SGCZ: variants seen among roughly 807,000 people sequenced by gnomAD.
The protein encoded by SGCZ is sarcoglycan zeta.
A neutral mutation model predicts 41.3 loss-of-function variants in SGCZ; 40 were observed. The ratio of observed to expected loss-of-function variants is 0.97; its 90% CI spans 0.75 to 1.26. The LOEUF is 1.26. Among genes scored for constraint, SGCZ ranks in the 50% most tolerant of loss-of-function variants. The probability of loss-of-function intolerance (pLI) is 0.00; values close to 1 mark genes in which losing one functional copy is unlikely to be tolerated. For missense variants in SGCZ, 552 were observed against 369.8 expected, an observed-to-expected ratio of 1.49 and a Z score of -4.04; for synonymous variants, 206 against 137.5, an observed-to-expected ratio of 1.50 and a Z score of -3.49.
chr8:14,916,266 A>C (rs897354196), intron 1 of SGCZ, among the ~76,000 whole-genome samples: 3 of 152,240 alleles, frequency 2.0e-5, no homozygotes, highest in African/African-American at 7.2e-5. Context: ...GTGTAACTCA[A>C]ACATAGCAGC....
intron 2 of SGCZ, among the ~76,000 whole-genome samples, chr8:14,486,038 G>A (rs73190203): frequency 0.018 from 2,683 of 152,030 alleles, 44 homozygotes; most frequent in East Asian, 0.083. Flanking sequence ...AGACGGGGTA[G>A]AACAATTTTT....
At chr8:14,998,117 A>G (rs891041139) in intron 1 of SGCZ, among the ~76,000 whole-genome samples, 1 of 152,204 alleles carries the variant, frequency 6.6e-6, no homozygotes, top group Non-Finnish European at 1.5e-5. Context: ...TTTCAAATGT[A>G]TAATAGAAAA....
At chr8:14,351,755 T>A (rs1393035364) in intron 2 of SGCZ, among the ~76,000 whole-genome samples, 2 of 152,068 alleles carry the variant, frequency 1.3e-5, no homozygotes, top group African/African-American at 4.8e-5. Flanking sequence ...TGATTTTGAA[T>A]TCTGCTGACT....
chr8:14,643,943 G>A (rs1014546656), intron 1 of SGCZ, among the ~76,000 whole-genome samples: 1 of 151,010 alleles, frequency 6.6e-6, no homozygotes, highest in Non-Finnish European at 1.5e-5. Context: ...TTATAAGTCA[G>A]TGTGAATGAA....
intron 2 of SGCZ, among the ~76,000 whole-genome samples, chr8:14,337,459 T>C (rs1242877281): frequency 8.5e-5 from 13 of 152,128 alleles, no homozygotes; most frequent in Admixed American, 2.6e-4. Flanking sequence ...TTGAGTACTC[T>C]CCTGGGATAA....
intron 1 of SGCZ, among the ~76,000 whole-genome samples, chr8:14,559,799 T>C (rs987266089): frequency 1.3e-5 from 2 of 152,238 alleles, no homozygotes; most frequent in South Asian, 2.1e-4. Context: ...AGATAATTCA[T>C]AGCAAGTTCT....
chr8:14,732,969 C>T (rs956226667), intron 1 of SGCZ, among the ~76,000 whole-genome samples: 1 of 151,694 alleles, frequency 6.6e-6, no homozygotes, highest in Non-Finnish European at 1.5e-5. Flanking sequence ...ATTAGTTTAT[C>T]ATTTAAAACA....
At chr8:15,216,053 A>G (rs931016506) in intron 1 of SGCZ, among the ~76,000 whole-genome samples, 20 of 152,198 alleles carry the variant, frequency 1.3e-4, no homozygotes, top group African/African-American at 4.6e-4. Context: ...TCAGAAGAGC[A>G]GCATCCAGAA....
intron 1 of SGCZ, among the ~76,000 whole-genome samples, chr8:14,711,320 T>C (rs1384473695): frequency 6.6e-6 from 1 of 151,914 alleles, no homozygotes; most frequent in Non-Finnish European, 1.5e-5. Flanking sequence ...CCAGGCGCTG[T>C]GTCTCACACC....
At chr8:14,503,116 TA>T (rs910159450) in intron 2 of SGCZ, among the ~76,000 whole-genome samples, 1 of 151,758 alleles carries the variant, frequency 6.6e-6, no homozygotes, top group African/African-American at 2.4e-5. Context: ...TATGCAGCCA[TA>T]AAAAAAAGAA....
intron 1 of SGCZ, among the ~76,000 whole-genome samples, chr8:14,874,171 A>C (rs1804264286): frequency 6.6e-6 from 1 of 152,168 alleles, no homozygotes; most frequent in Admixed American, 6.6e-5. Context: ...TATAAAGAAA[A>C]GTATGCTCTG....
At chr8:14,115,145 A>G (rs991481341) in intron 5 of SGCZ, among the ~76,000 whole-genome samples, 14 of 152,112 alleles carry the variant, frequency 9.2e-5, no homozygotes, top group African/African-American at 2.4e-4. Context: ...AGTTAATTCC[A>G]AAGTATGTGA....
intron 1 of SGCZ, among the ~76,000 whole-genome samples, chr8:14,715,645 A>C (rs1459658203): frequency 6.6e-6 from 1 of 152,116 alleles, no homozygotes; most frequent in Non-Finnish European, 1.5e-5. Flanking sequence ...ATGTCTGATA[A>C]TTCCTAAGGA....
At position 14,086,911 on chromosome 8, in the gene SGCZ, G is replaced by A. The variant is rs1801537425; in HGVS notation, c.*3532C>T. On this transcript the variant is annotated 3_prime_UTR_variant, in exon 8 of 8. Transcript: ENST00000382080. ...GAATCAGAAAAACTTAAAAATGAAT[G>A]TGACTAAAGGAAATGTCTAGTTTGA... Among the ~76,000 whole-genome samples, 1 of 151,620 alleles carries A rather than the reference G, an allele frequency of 6.6e-6. No homozygotes were observed. Among genetic ancestry groups the A allele is most frequent in the Non-Finnish European group, 1.5e-5 (1 of 67,746 alleles).
At chr8:14,949,423 T>C (rs554951981) in intron 1 of SGCZ, among the ~76,000 whole-genome samples, 1 of 152,254 alleles carries the variant, frequency 6.6e-6, no homozygotes, top group Non-Finnish European at 1.5e-5. Flanking sequence ...CTTCACTCTA[T>C]GGACAGGAGA....
intron 1 of SGCZ, among the ~76,000 whole-genome samples, chr8:15,175,222 A>G (rs2117073495): frequency 6.6e-6 from 1 of 152,302 alleles, no homozygotes; most frequent in African/African-American, 2.4e-5. Flanking sequence ...TTGTAAAGAC[A>G]CATGCATGCT....
chr8:14,478,100 G>GA (rs765558538), intron 2 of SGCZ, among the ~76,000 whole-genome samples: 4 of 152,214 alleles, frequency 2.6e-5, no homozygotes, highest in Non-Finnish European at 5.9e-5. Flanking sequence ...CTGCAGAAAT[G>GA]AAAATGTTAC....
chr8:14,514,939 G>A (rs896445910), intron 2 of SGCZ, among the ~76,000 whole-genome samples: 11 of 151,526 alleles, frequency 7.3e-5, no homozygotes, highest in African/African-American at 2.7e-4. Context: ...ATGACTAGTA[G>A]AATATTTCAA....
At chr8:14,240,593 G>A (rs1477161900) in intron 3 of SGCZ, among the ~76,000 whole-genome samples, 1 of 152,014 alleles carries the variant, frequency 6.6e-6, no homozygotes, top group Admixed American at 6.6e-5. Flanking sequence ...GCTCTCAGAG[G>A]TAGTGAGTTA....
Sources: allele counts gnomAD v4.1 joint callset (sites outside exome capture counted in the v4.1 genomes callset), GRCh38; gene constraint gnomAD v4.1.1; transcripts MANE v1.5; gene names NCBI Gene and HGNC (gene_info 2026-07-23, HGNC 2026-07-21).